ZNF286A: variants seen among roughly 807,000 people sequenced by gnomAD.
ZNF286A encodes the protein zinc finger protein ZNF286.
In ZNF286A, 34 loss-of-function variants were observed where a neutral mutation model predicts 49.3. The observed-to-expected ratio is 0.69, with a 90% CI of 0.52 to 0.92. The LOEUF (loss-of-function observed/expected upper bound fraction) is 0.92. Ranked by LOEUF, ZNF286A falls within the 40% of genes least tolerant of loss-of-function variation. The pLI is 0.00. For missense variants in ZNF286A, 462 were observed against 600.2 expected (o/e 0.77, Z 2.41); for synonymous variants, 155 against 200.4 (o/e 0.77, Z 1.91).
intron 3 of ZNF286A, among the ~76,000 whole-genome samples, chr17:15,705,616 A>G (rs1045763231): frequency 2.0e-5 from 3 of 152,152 alleles, no homozygotes; most frequent in African/African-American, 7.2e-5. Flanking sequence ...ACTTTTTGCA[A>G]ATGCTACATG....
At chr17:15,706,034 G>A (rs1247507211) in intron 3 of ZNF286A, among the ~76,000 whole-genome samples, 2 of 152,086 alleles carry the variant, frequency 1.3e-5, no homozygotes, top group Admixed American at 6.6e-5. Flanking sequence ...TTATGTAGAC[G>A]TGACTTTTTT....
chr17:15,704,374 G>A, intron 3 of ZNF286A: 1 of 1,609,840 alleles, frequency 6.2e-7, no homozygotes, highest in Admixed American at 1.7e-5. Flanking sequence ...GGAGGAAGCT[G>A]CAGTGCCACT....
At position 15,708,137 on chromosome 17, in the gene ZNF286A, C is replaced by T; in HGVS notation, c.242-18C>T. ...ATTACTTTCTTCTTTCTGTCTTTTTCTTTTTTTAAATGAATAGGGCTTCCA... is the reference window on the plus strand; with the variant it reads ...ATTACTTTCTTCTTTCTGTCTTTTTTTTTTTTTAAATGAATAGGGCTTCCA... On this transcript the variant is annotated intron_variant, in intron 4 of 5. Coordinates refer to ENST00000583566, the MANE Select transcript of ZNF286A (RefSeq NM_001130842.2). The T allele has an allele frequency of 1.3e-6, 2 of 1,515,326 alleles. No homozygotes were observed. Among genetic ancestry groups the T allele is most frequent in the Non-Finnish European group, 8.8e-7 (1 of 1,135,628 alleles). 93.9% of individuals were successfully genotyped at this position (1,515,326 alleles called of 1,614,324 possible).
chr17:15,712,139 T>A (rs1174957412), intron 5 of ZNF286A, among the ~76,000 whole-genome samples: 1 of 152,236 alleles, frequency 6.6e-6, no homozygotes, highest in Non-Finnish European at 1.5e-5. Context: ...CCCAAAGTGC[T>A]GGGATTACAG....
chr17:15,715,460 T>C (rs1966983535), intron 5 of ZNF286A, among the ~76,000 whole-genome samples: 3 of 152,186 alleles, frequency 2.0e-5, no homozygotes, highest in Admixed American at 2.0e-4. Context: ...ATATGTGAAA[T>C]GTTATCAGTC....
chr17:15,702,344 G>T (rs930062059), intron 3 of ZNF286A, among the ~76,000 whole-genome samples: 1 of 151,774 alleles, frequency 6.6e-6, no homozygotes, highest in African/African-American at 2.4e-5. Flanking sequence ...GTGAAACCTC[G>T]TCTTTACTTA....
At chr17:15,705,754 A>G (rs1990183359) in intron 3 of ZNF286A, among the ~76,000 whole-genome samples, 2 of 152,200 alleles carry the variant, frequency 1.3e-5, no homozygotes, top group South Asian at 4.1e-4. Context: ...GCAGATATGT[A>G]TCTATCTCCT....
rs144115902 is a variant in ZNF286A, at chr17:15,701,194, C to G, written c.80C>G (p.Thr27Arg). 6,785 of 1,613,892 alleles carry G rather than the reference C, an allele frequency of 4.2e-3. 166 individuals are homozygous for G. In the African/African-American group the frequency reaches 0.08, roughly 19 times the overall value. The change falls in exon 3 of 6, where the codon ACA becomes AGA. Residue 27 changes from threonine (T) to arginine (R), a missense_variant. Coordinates refer to ENST00000583566, the MANE Select transcript of ZNF286A (RefSeq NM_001130842.2). ...QDSPHFQEKSTEEGEVAALRL... is the reference protein window; with the variant it reads ...QDSPHFQEKSREEGEVAALRL... The stretch of plus-strand genomic sequence containing the variant: ...TCTCCCCATTTCCAAGAGAAGAGCA[C>G]AGAAGAGGGAGAAGTGGCTGCTCTG...
intron 5 of ZNF286A, among the ~76,000 whole-genome samples, chr17:15,710,955 A>G (rs1341171667): frequency 6.7e-6 from 1 of 150,308 alleles, no homozygotes; most frequent in African/African-American, 2.5e-5. Flanking sequence ...TCTGTCTCTC[A>G]GGCTGGAGTG....
intron 5 of ZNF286A, 70 bp downstream of exon 5, chr17:15,708,317 C>CAA (rs1371140749): frequency 2.4e-6 from 3 of 1,272,704 alleles, no homozygotes; most frequent in Non-Finnish European, 3.2e-6. Flanking sequence ...CTTTTCAGTG[C>CAA]TTAAGAAAGT....
At chr17:15,703,483 T>C (rs1989943656) in intron 3 of ZNF286A, among the ~76,000 whole-genome samples, 1 of 151,914 alleles carries the variant, frequency 6.6e-6, no homozygotes, top group Non-Finnish European at 1.5e-5. Flanking sequence ...AAGTTTTAGT[T>C]CTTCAATGTA....
rs1967195540 is a variant in ZNF286A at position 15,718,423 on chromosome 17, A to T, written c.*1133A>T. 1.3e-5 allele frequency: 2 copies of T among 148,348 alleles called. No homozygotes were observed. The highest frequency in any genetic ancestry group is 2.0e-4 in the East Asian group (1 of 4,996). The allele number at this position is 148,348 out of a possible 1,614,324, so 9.2% of individuals were successfully genotyped here. ...TTTCCATAATCAAAGGGTGAGGGAG[A>T]CTTCTTTTGTCTACATTATTCAGCT... On this transcript the variant is annotated 3_prime_UTR_variant, in exon 6 of 6. Coordinates refer to ENST00000583566, the MANE Select transcript of ZNF286A (RefSeq NM_001130842.2).
rs1967141295 is a variant in ZNF286A, at chr17:15,717,714, T to C, written c.*424T>C. ...ATCAGGAAGACACAATGTTGTTATT[T>C]ATTACTCCTTGAGATCTAGATACAC... On this transcript the variant is annotated 3_prime_UTR_variant, in exon 6 of 6. Transcript: ENST00000583566. 6.1e-6 allele frequency: 1 copy of C among 163,466 alleles called. No individual in the cohort carries two copies. Among genetic ancestry groups the C allele is most frequent in the South Asian group, 1.6e-4 (1 of 6,244 alleles). The allele number at this position is 163,466 out of a possible 1,614,324, so 10.1% of individuals were successfully genotyped here. A position where few individuals can be genotyped will look rare whatever the true frequency, so the allele number is the denominator to read the frequency against.
chr17:15,704,297 C>T, intron 3 of ZNF286A: 3 of 1,609,824 alleles, frequency 1.9e-6, no homozygotes, highest in East Asian at 2.2e-5. Flanking sequence ...TTATCGCGCT[C>T]GCCAGCATGC....
rs758514782 is a variant in ZNF286A at position 15,716,817 on chromosome 17, C to T, written c.1093C>T (p.His365Tyr). The stretch of plus-strand genomic sequence containing the variant: ...TAATGAATGTGATAAAGCTTTTATT[C>T]ATTCATCAGCACTCATTAAACATCA... Reference protein sequence around the residue: ...ECNECDKAFIHSSALIKHQRT... With the variant: ...ECNECDKAFIYSSALIKHQRT... Residue 365 changes from histidine to tyrosine, a missense_variant, in exon 6 of 6, where the codon CAT becomes TAT. Around this residue, in one of 3 missense-constraint regions of ZNF286A, gnomAD observed 201 missense variants for 311.3 expected, o/e 0.65. Transcript: ENST00000583566. 12 of 1,613,740 alleles carry T rather than the reference C, an allele frequency of 7.4e-6. No homozygotes were observed. The highest frequency in any genetic ancestry group is 6.6e-5 in the South Asian group (6 of 91,052).
intron 5 of ZNF286A, among the ~76,000 whole-genome samples, chr17:15,715,410 T>G (rs1323021782): frequency 3.9e-5 from 6 of 152,140 alleles, no homozygotes; most frequent in Admixed American, 3.9e-4. Flanking sequence ...TACTCCATTG[T>G]TTGTATCCAC....
At chr17:15,711,870 C>CACT (rs369194562) in intron 5 of ZNF286A, among the ~76,000 whole-genome samples, 6 of 94,606 alleles carry the variant, frequency 6.3e-5, no homozygotes, top group Non-Finnish European at 8.3e-5. Context: ...GCCCCCCCCC[C>CACT]GGCTTTTTTT....
At chr17:15,712,327 A>G (rs1182858258) in intron 5 of ZNF286A, among the ~76,000 whole-genome samples, 1 of 152,206 alleles carries the variant, frequency 6.6e-6, no homozygotes, top group Non-Finnish European at 1.5e-5. Context: ...TCCCACAACC[A>G]GTTACCTTCT....
At position 15,710,704 on chromosome 17, in the gene ZNF286A, G is replaced by A. The variant is rs531874254; in HGVS notation, c.334+2457G>A. Among the ~76,000 whole-genome samples the A allele has an allele frequency of 4.9e-5, 7 of 142,580 alleles. No homozygotes were observed. The East Asian group carries it at 5.8e-4, about 12-fold the overall frequency. The allele number at this position is 142,580 out of a possible 152,430, so 93.5% of individuals were successfully genotyped here. On this transcript the variant is annotated intron_variant, in intron 5 of 5. Transcript: ENST00000583566. ...ATTGAAAGAGTTTAAAAATCTTTCCGTGATTATGGATATATCTGTTTCACC... is the reference window on the plus strand; with the variant it reads ...ATTGAAAGAGTTTAAAAATCTTTCCATGATTATGGATATATCTGTTTCACC...
Sources: gnomAD v4.1 joint callset for allele counts (sites outside exome capture counted in the v4.1 genomes callset) on GRCh38, gnomAD v4.1.1 for gene constraint, gnomAD v4.1.1 regional missense constraint, MANE v1.5 for transcripts, NCBI Gene and HGNC (gene_info 2026-07-23, HGNC 2026-07-21) for gene names.